Variants in SCN1A observed in about 807,000 individuals in gnomAD.
The protein encoded by SCN1A is sodium voltage-gated channel alpha subunit 1.
A neutral mutation model predicts 193.7 loss-of-function variants in SCN1A; 13 were observed. The ratio of observed to expected loss-of-function variants is 0.07; its 90% CI spans 0.04 to 0.11. The LOEUF is 0.11. Among genes scored for constraint, SCN1A ranks in the 10% least tolerant of loss-of-function variants. The pLI is 1.00. For missense variants in SCN1A, 1,432 were observed against 2,451.1 expected, an observed-to-expected ratio of 0.58 and a Z score of 8.78; for synonymous variants, 781 against 843.6, an observed-to-expected ratio of 0.93 and a Z score of 1.29.
intron 27 of SCN1A, among the ~76,000 whole-genome samples, chr2:165,994,778 TC>T (rs1164848031): frequency 1.3e-5 from 2 of 151,866 alleles, no homozygotes; most frequent in Admixed American, 6.6e-5. Flanking sequence ...AATTTTTTTT[TC>T]AAGACTTTCC....
At chr2:166,072,156 G>A (rs1221646267) in intron 4 of SCN1A, among the ~76,000 whole-genome samples, 1 of 152,110 alleles carries the variant, frequency 6.6e-6, no homozygotes, top group Non-Finnish European at 1.5e-5. Context: ...GTATTTTAAG[G>A]TCCAGGTCCA....
chr2:166,042,915 G>C (rs1339541894), intron 14 of SCN1A, among the ~76,000 whole-genome samples: 1 of 152,098 alleles, frequency 6.6e-6, no homozygotes, highest in Non-Finnish European at 1.5e-5. Flanking sequence ...ATGTTAAAAA[G>C]AACACACACA....
chr2:166,102,734 A>G (rs1049727735), intron 2 of SCN1A, among the ~76,000 whole-genome samples: 1 of 152,136 alleles, frequency 6.6e-6, no homozygotes, highest in Admixed American at 6.5e-5. Flanking sequence ...TTCTACCAAA[A>G]AGACACATGC....
intron 19 of SCN1A, among the ~76,000 whole-genome samples, chr2:166,030,071 A>G (rs540942024): frequency 2.1e-4 from 32 of 152,314 alleles, no homozygotes; most frequent in African/African-American, 6.3e-4. Flanking sequence ...TCTATAGTTG[A>G]CACCTGTACC....
chr2:166,088,422 A>G (rs1209661143), intron 2 of SCN1A, among the ~76,000 whole-genome samples: 1 of 151,420 alleles, frequency 6.6e-6, no homozygotes, highest in Non-Finnish European at 1.5e-5. Context: ...AAAAATTGCT[A>G]AAGAAAAAAA....
chr2:166,027,741 C>T (rs1002416612), intron 19 of SCN1A, among the ~76,000 whole-genome samples: 6 of 151,914 alleles, frequency 3.9e-5, no homozygotes, highest in African/African-American at 1.4e-4. Context: ...TCTCCTAAGT[C>T]ATGCTAAAAT....
intron 22 of SCN1A, 116 bp from the exon 23 acceptor site, chr2:166,009,957 G>T: frequency 1.1e-6 from 1 of 946,744 alleles, no homozygotes; most frequent in Non-Finnish European, 1.6e-6. Flanking sequence ...TAAATGTTCA[G>T]ACATTTTCAG....
At chr2:166,136,941 G>A (rs7600739) in intron 1 of SCN1A, among the ~76,000 whole-genome samples, 48,906 of 152,064 alleles carry the variant, frequency 0.32, 8,205 homozygotes, top group Middle Eastern at 0.43. Context: ...CAAAGCCAAC[G>A]GATGAAGGAC....
chr2:166,008,632 G>A (rs1027617422), intron 23 of SCN1A, among the ~76,000 whole-genome samples: 11 of 151,098 alleles, frequency 7.3e-5, no homozygotes, highest in African/African-American at 2.7e-4. Context: ...TTTCATATAT[G>A]TTAGGGAAAT....
In SCN1A at chr2:165,998,169, G is replaced by A. The variant is rs768638174; in HGVS notation, c.4345C>T (p.Leu1449Phe). The change falls in exon 26 of 29, where the codon CTC becomes TTC. Residue 1449 changes from leucine (L) to phenylalanine (F), a missense_variant. Transcript: ENST00000674923. ...AGACTTTCTTCATACTTAGGCTGGAGTTCCACCTACCAAAGGGGAATATTT... is the reference window on the plus strand; with the variant it reads ...AGACTTTCTTCATACTTAGGCTGGAATTCCACCTACCAAAGGGGAATATTT... ...YAAVDSRNVE[L>F]QPKYEESLYM... is the part of the protein sequence containing the mutation. 2.6e-5 allele frequency: 42 copies of A among 1,602,804 alleles called. No homozygotes were observed. The highest frequency in any genetic ancestry group is 3.4e-5 in the Non-Finnish European group (40 of 1,172,546).
At position 166,073,638 on chromosome 2, in the gene SCN1A, T is replaced by A. The variant is rs1318927363; in HGVS notation, c.-17A>T. The A allele has an allele frequency of 1.2e-6, 2 of 1,613,702 alleles. No homozygotes were observed. Among genetic ancestry groups the A allele is most frequent in the Non-Finnish European group, 1.7e-6 (2 of 1,179,812 alleles). ...TTGCTCCATCTTGTCATCCTGCACA[T>A]TTTAATTACCATTTATTCTGCATAT... On this transcript the variant is annotated 5_prime_UTR_variant, in exon 4 of 29. An upstream start codon of the reference 5' UTR is lost. Coordinates refer to ENST00000674923, the MANE Select transcript of SCN1A (RefSeq NM_001165963.4).
chr2:166,143,601 G>A (rs999762675), intron 1 of SCN1A, among the ~76,000 whole-genome samples: 3 of 152,092 alleles, frequency 2.0e-5, no homozygotes, highest in Admixed American at 6.5e-5. Context: ...CTCCAAAATG[G>A]CGCTATTAAA....
At chr2:166,038,180 T>TAA in intron 17 of SCN1A, 48 bp from the exon 18 acceptor site, 1 of 1,376,504 alleles carries the variant, frequency 7.3e-7, no homozygotes, top group South Asian at 1.3e-5. Flanking sequence ...TTAAAAGCAT[T>TAA]ATATATATTG....
chr2:166,098,166 C>T (rs1012550010), intron 2 of SCN1A, among the ~76,000 whole-genome samples: 1 of 152,124 alleles, frequency 6.6e-6, no homozygotes, highest in Non-Finnish European at 1.5e-5. Context: ...AAAAGCTAAT[C>T]CACCATGATC....
chr2:166,048,341 C>T (rs1698097066), intron 10 of SCN1A, among the ~76,000 whole-genome samples: 1 of 151,984 alleles, frequency 6.6e-6, no homozygotes, highest in South Asian at 2.1e-4. Context: ...TTTCCTGATC[C>T]TCTCCCTCTT....
chr2:166,106,469 C>T (rs1428087308), intron 2 of SCN1A, among the ~76,000 whole-genome samples: 2 of 152,020 alleles, frequency 1.3e-5, no homozygotes, highest in Admixed American at 1.3e-4. Context: ...CTGGCCGGAG[C>T]TCTGGTCCAC....
chr2:166,089,177 G>A (rs892575375), intron 2 of SCN1A, among the ~76,000 whole-genome samples: 1 of 151,468 alleles, frequency 6.6e-6, no homozygotes, highest in African/African-American at 2.4e-5. Flanking sequence ...CCCACCCCTC[G>A]ATAGGCCCCA....
At chr2:166,124,501 C>T (rs943087757) in intron 2 of SCN1A, among the ~76,000 whole-genome samples, 6 of 152,128 alleles carry the variant, frequency 3.9e-5, no homozygotes, top group African/African-American at 1.4e-4. Context: ...GAGCCAAGAA[C>T]GTGCCACTGC....
intron 19 of SCN1A, among the ~76,000 whole-genome samples, chr2:166,023,809 C>T (rs754742289): frequency 7.7e-4 from 117 of 151,440 alleles, no homozygotes; most frequent in Non-Finnish European, 1.3e-3. Flanking sequence ...GAGTTTCGCT[C>T]TTGTTGCCCA....
Sources: allele counts gnomAD v4.1 joint callset (sites outside exome capture counted in the v4.1 genomes callset), GRCh38; gene constraint gnomAD v4.1.1; transcripts MANE v1.5; gene names NCBI Gene and HGNC (gene_info 2026-07-23, HGNC 2026-07-21).